ABLIM1: variants seen among roughly 807,000 people sequenced by gnomAD.
The protein encoded by ABLIM1 is actin binding LIM protein 1.
ABLIM1 carries 40 observed loss-of-function variants against 107.0 expected under a neutral mutation model. The ratio of observed to expected loss-of-function variants is 0.37; its 90% CI spans 0.29 to 0.49. The LOEUF is 0.49. Ranked by LOEUF, ABLIM1 falls within the 20% of genes least tolerant of loss-of-function variation. ABLIM1 has a pLI of 0.97. For missense variants in ABLIM1, 857 were observed against 1,008.5 expected, an observed-to-expected ratio of 0.85 and a Z score of 2.04; for synonymous variants, 357 against 357.3, an observed-to-expected ratio of 1.00 and a Z score of 0.01.
the ABLIM1 span, among the ~76,000 whole-genome samples, chr10:114,787,568 C>G: frequency 1.4e-5 from 2 of 139,036 alleles, no homozygotes; most frequent in Non-Finnish European, 3.1e-5. Flanking sequence ...CCACCCCGTC[C>G]GGGAGGGAGG....
At chr10:114,574,251 T>C (rs1481514581) in intron 3 of ABLIM1, among the ~76,000 whole-genome samples, 2 of 152,036 alleles carry the variant, frequency 1.3e-5, no homozygotes, top group African/African-American at 4.8e-5. Context: ...GATTGCAAAA[T>C]TGCCAAATTA....
chr10:114,769,479 G>GAAAGAA (rs1355046223), upstream of ABLIM1, among the ~76,000 whole-genome samples: 6 of 123,832 alleles, frequency 4.8e-5, no homozygotes, highest in Non-Finnish European at 1.1e-4. Flanking sequence ...AAGAAAGAAA[G>GAAAGAA]AGAAAGAAAG....
Position 114,441,647 on chromosome 10 carries a change from G to A in ABLIM1, c.1998+75C>T, listed in dbSNP as rs1007070789. On this transcript the variant is annotated intron_variant, in intron 18 of 22. Transcript: ENST00000533213. ...TGAGATCAAGAGTCAGACGTATTCA[G>A]GCAATGTGTCAATACTTCAACCAGG... The A allele has an allele frequency of 3.7e-6, 5 of 1,356,276 alleles. No individual in the cohort carries two copies. In the African/African-American group the frequency reaches 4.3e-5, roughly 12 times the overall value. The allele number at this position is 1,356,276 out of a possible 1,614,324, so 84.0% of individuals were successfully genotyped here. A position where few individuals can be genotyped will look rare whatever the true frequency, so the allele number is the denominator to read the frequency against.
chr10:114,759,396 A>G (rs1461373697), intron 1 of ABLIM1, among the ~76,000 whole-genome samples: 1 of 152,226 alleles, frequency 6.6e-6, no homozygotes, highest in African/African-American at 2.4e-5. Flanking sequence ...AGCCTTTCCC[A>G]TGATAATGAA....
intron 1 of ABLIM1, among the ~76,000 whole-genome samples, chr10:114,725,819 A>T (rs569108050): frequency 6.6e-6 from 1 of 150,762 alleles, no homozygotes; most frequent in Non-Finnish European, 1.5e-5. Context: ...ATCACAGCTC[A>T]CCGTAGCCTC....
chr10:114,567,559 G>A (rs1464953539), intron 4 of ABLIM1, among the ~76,000 whole-genome samples: 2 of 152,240 alleles, frequency 1.3e-5, no homozygotes, highest in African/African-American at 4.8e-5. Context: ...GAGCACTCCA[G>A]TGGGAGCTCT....
chr10:114,527,659 C>CTT (rs10639922), intron 6 of ABLIM1, among the ~76,000 whole-genome samples: 40,602 of 127,060 alleles, frequency 0.32, 8,576 homozygotes, highest in African/African-American at 0.58. Flanking sequence ...CAACTCTTGT[C>CTT]TTTTTTTTTT....
At chr10:114,630,349 A>G (rs574777753) in intron 1 of ABLIM1, among the ~76,000 whole-genome samples, 14 of 152,306 alleles carry the variant, frequency 9.2e-5, no homozygotes, top group Admixed American at 2.6e-4. Flanking sequence ...ACTGCAGTAA[A>G]TGTCAACATC....
intron 1 of ABLIM1, among the ~76,000 whole-genome samples, chr10:114,671,909 C>T (rs2080272179): frequency 6.6e-6 from 1 of 152,156 alleles, no homozygotes; most frequent in African/African-American, 2.4e-5. Flanking sequence ...GCCACTCAGG[C>T]TGGAGTGCAG....
chr10:114,595,267 A>C (rs2075304463), intron 2 of ABLIM1: 1 of 152,254 alleles, frequency 6.6e-6, no homozygotes, highest in African/African-American at 2.4e-5. Flanking sequence ...AATGAACTAT[A>C]ATTCACATTT....
the ABLIM1 span, chr10:114,779,743 T>C: frequency 6.6e-6 from 1 of 152,220 alleles, no homozygotes; most frequent in Non-Finnish European, 1.5e-5. Flanking sequence ...ATGGGTGTAA[T>C]ATAGTTTAGG....
chr10:114,690,109 G>T (rs61869076), intron 1 of ABLIM1: 163,729 of 1,142,908 alleles, frequency 0.14, 16,700 homozygotes, highest in African/African-American at 0.48. Flanking sequence ...ACAAAAGGAA[G>T]GGTCTGGTGG....
chr10:114,495,972 A>T (rs970668368), intron 6 of ABLIM1, among the ~76,000 whole-genome samples: 3 of 152,218 alleles, frequency 2.0e-5, no homozygotes, highest in Admixed American at 1.3e-4. Flanking sequence ...ACCAAAAGAC[A>T]TTTTGAAAAT....
chr10:114,461,171 C>T (rs1158614604), intron 12 of ABLIM1, among the ~76,000 whole-genome samples: 1 of 151,532 alleles, frequency 6.6e-6, no homozygotes, highest in Non-Finnish European at 1.5e-5. Flanking sequence ...TCAAGCAATC[C>T]TCCTGCTTCA....
chr10:114,518,012 A>C (rs1207147093), intron 6 of ABLIM1, among the ~76,000 whole-genome samples: 1 of 152,112 alleles, frequency 6.6e-6, no homozygotes, highest in Admixed American at 6.5e-5. Context: ...GTGTATGGTA[A>C]AGGATTTTAC....
rs77931020 is a variant in ABLIM1, at chr10:114,619,625, G to A, written c.245-17664C>T. Reference sequence around the variant, plus strand: ...GGGACGATGCATGGCAGATAGTCCTGGTCCTGATCTTGCTCCTCCCTCCCT... The same window carrying A: ...GGGACGATGCATGGCAGATAGTCCTAGTCCTGATCTTGCTCCTCCCTCCCT... On this transcript the variant is annotated intron_variant, in intron 1 of 22. Transcript: ENST00000533213. The surrounding 1 kb of genome is among the most constrained non-coding windows in gnomAD (Gnocchi z 4.1). Among the ~76,000 whole-genome samples the A allele has an allele frequency of 2.2e-3, 329 of 152,270 alleles. No individual in the cohort carries two copies. The highest frequency in any genetic ancestry group is 7.6e-3 in the African/African-American group (317 of 41,554).
intron 1 of ABLIM1, among the ~76,000 whole-genome samples, chr10:114,614,748 A>G (rs943605828): frequency 6.6e-6 from 1 of 152,166 alleles, no homozygotes; most frequent in Non-Finnish European, 1.5e-5. Context: ...GGTTCAGGGC[A>G]CAGCTATGAA....
intron 1 of ABLIM1, among the ~76,000 whole-genome samples, chr10:114,706,299 C>A (rs572154078): frequency 5.3e-5 from 8 of 152,272 alleles, no homozygotes; most frequent in Admixed American, 1.3e-4. Flanking sequence ...TGTTTCACGA[C>A]GTTCATTTTA....
chr10:114,443,608 C>T (rs918328381), intron 17 of ABLIM1, among the ~76,000 whole-genome samples: 11 of 149,302 alleles, frequency 7.4e-5, no homozygotes, highest in Middle Eastern at 3.5e-3. Flanking sequence ...CCACCGCACC[C>T]GGCCTCTATT....
Sources: gnomAD v4.1 joint callset for allele counts (sites outside exome capture counted in the v4.1 genomes callset) on GRCh38, gnomAD v4.1.1 for gene constraint, Gnocchi (gnomAD v3.1) non-coding constraint, MANE v1.5 for transcripts, NCBI Gene and HGNC (gene_info 2026-07-23, HGNC 2026-07-21) for gene names.